The following PRKN variants were observed in gnomAD, a reference collection of about 807,000 sequenced individuals.
PRKN encodes E3 ubiquitin-protein ligase parkin.
PRKN carries 56 observed loss-of-function variants against 59.5 expected under a neutral mutation model. That is an observed-to-expected ratio of 0.94 (90% confidence interval 0.76 to 1.18). The LOEUF (loss-of-function observed/expected upper bound fraction) is 1.18, where lower values mean the gene tolerates loss of function less well. Among genes scored for constraint, PRKN ranks in the 50% most tolerant of loss-of-function variants. PRKN has a pLI of 0.00. For synonymous variants in PRKN, 250 were observed against 222.1 expected, an observed-to-expected ratio of 1.13 and a Z score of -1.12; for missense variants, 657 against 596.4, an observed-to-expected ratio of 1.10 and a Z score of -1.06.
Position 162,634,968 on chromosome 6 carries a change from T to C in PRKN, c.7+92694A>G, listed in dbSNP as rs542242519. Among the ~76,000 whole-genome samples the C allele has an allele frequency of 2.6e-5, 4 of 152,328 alleles. 1 individual carries two copies. The highest frequency in any genetic ancestry group is 9.6e-5 in the African/African-American group (4 of 41,568). ...GTAATATTAAACATTTATGTTCCTT[T>C]TAATCTCTAAAATTCCCTAATTTCA... On this transcript the variant is annotated intron_variant, in intron 1 of 11. Coordinates refer to ENST00000366898, the MANE Select transcript of PRKN (RefSeq NM_004562.3).
chr6:162,158,213 GT>G (rs2128315715), intron 4 of PRKN, among the ~76,000 whole-genome samples: 1 of 152,050 alleles, frequency 6.6e-6, no homozygotes, highest in South Asian at 2.1e-4. Flanking sequence ...CTATCATATA[GT>G]TCTAAATAAT....
At chr6:161,365,777 A>G (rs1259626700) in intron 10 of PRKN, among the ~76,000 whole-genome samples, 1 of 152,184 alleles carries the variant, frequency 6.6e-6, no homozygotes, top group Non-Finnish European at 1.5e-5. Context: ...CGTCCTTCAA[A>G]TCAGGACACT....
At chr6:162,338,926 C>T (rs1405160880) in intron 2 of PRKN, among the ~76,000 whole-genome samples, 4 of 146,906 alleles carry the variant, frequency 2.7e-5, no homozygotes, top group Admixed American at 6.7e-5. Flanking sequence ...ATGTGAGGAG[C>T]GCCTCTGCCC....
At chr6:161,564,726 A>G (rs1780575409) in intron 8 of PRKN, among the ~76,000 whole-genome samples, 1 of 151,542 alleles carries the variant, frequency 6.6e-6, no homozygotes, top group Non-Finnish European at 1.5e-5. Context: ...ACTGACATCC[A>G]TTTCTCTCTC....
chr6:162,039,550 A>G (rs1310058642), intron 5 of PRKN, among the ~76,000 whole-genome samples: 1 of 152,166 alleles, frequency 6.6e-6, no homozygotes, highest in Non-Finnish European at 1.5e-5. Context: ...ACCTCTGCCC[A>G]GAAGACTCCT....
At chr6:162,120,458 A>G (rs1780863939) in intron 4 of PRKN, among the ~76,000 whole-genome samples, 1 of 152,176 alleles carries the variant, frequency 6.6e-6, no homozygotes, top group Admixed American at 6.5e-5. Flanking sequence ...AGCTGGAGTA[A>G]GGGAAACATA....
chr6:162,066,912 A>G (rs762710172), intron 4 of PRKN, among the ~76,000 whole-genome samples: 5 of 152,230 alleles, frequency 3.3e-5, no homozygotes, highest in Non-Finnish European at 5.9e-5. Flanking sequence ...TTATGGTAAC[A>G]GAATTTCTGA....
At chr6:161,604,936 A>G (rs1185480574) in intron 7 of PRKN, among the ~76,000 whole-genome samples, 5 of 152,200 alleles carry the variant, frequency 3.3e-5, no homozygotes, top group African/African-American at 1.2e-4. Context: ...TCTGTCCCCA[A>G]AAAAGAGAGA....
intron 1 of PRKN, among the ~76,000 whole-genome samples, chr6:162,617,427 T>C (rs1268011921): frequency 1.3e-5 from 2 of 152,178 alleles, no homozygotes; most frequent in Non-Finnish European, 2.9e-5. Context: ...AGACAGGGTT[T>C]CACCATGTTG....
chr6:162,410,510 A>C (rs1788304199), intron 2 of PRKN, among the ~76,000 whole-genome samples: 1 of 152,176 alleles, frequency 6.6e-6, no homozygotes, highest in Non-Finnish European at 1.5e-5. Context: ...ACTGAAAGCA[A>C]GGGCTGTGTC....
At chr6:162,668,386 A>C (rs2128229686) in intron 1 of PRKN, among the ~76,000 whole-genome samples, 1 of 152,356 alleles carries the variant, frequency 6.6e-6, no homozygotes, top group African/African-American at 2.4e-5. Context: ...AATAAACAGA[A>C]CCATGTCACC....
At chr6:162,255,391 T>A (rs1193553773) in intron 3 of PRKN, among the ~76,000 whole-genome samples, 1 of 152,176 alleles carries the variant, frequency 6.6e-6, no homozygotes, top group Non-Finnish European at 1.5e-5. Flanking sequence ...GACATCAACT[T>A]CATGAGTTAG....
intron 6 of PRKN, among the ~76,000 whole-genome samples, chr6:161,940,944 G>A (rs1411807606): frequency 6.6e-6 from 1 of 152,172 alleles, no homozygotes; most frequent in East Asian, 1.9e-4. Context: ...AAATTCATCA[G>A]TACTAACTGC....
chr6:162,121,228 C>T (rs1169308341), intron 4 of PRKN, among the ~76,000 whole-genome samples: 1 of 152,116 alleles, frequency 6.6e-6, no homozygotes, highest in Non-Finnish European at 1.5e-5. Flanking sequence ...ACCACACAGA[C>T]CAGATGAACA....
chr6:162,307,596 T>C (rs1562657469), intron 2 of PRKN, among the ~76,000 whole-genome samples: 1 of 152,116 alleles, frequency 6.6e-6, no homozygotes, highest in African/African-American at 2.4e-5. Flanking sequence ...CCTTTGACTA[T>C]AGAAAATGTA....
intron 7 of PRKN, among the ~76,000 whole-genome samples, chr6:161,775,266 A>G (rs1420220738): frequency 1.3e-5 from 2 of 151,742 alleles, no homozygotes; most frequent in Non-Finnish European, 2.9e-5. Flanking sequence ...TTTTTAAGAC[A>G]GGGTCTCACT....
chr6:162,668,572 G>A (rs1385280790), intron 1 of PRKN, among the ~76,000 whole-genome samples: 2 of 152,004 alleles, frequency 1.3e-5, no homozygotes, highest in East Asian at 3.9e-4. Flanking sequence ...AGGGGAGGGA[G>A]CACCATAAGT....
At chr6:161,630,352 G>A (rs1416066727) in intron 7 of PRKN, among the ~76,000 whole-genome samples, 1 of 152,164 alleles carries the variant, frequency 6.6e-6, no homozygotes, top group East Asian at 1.9e-4. Context: ...AGCCGTAGAT[G>A]AGATGCTTTG....
intron 5 of PRKN, among the ~76,000 whole-genome samples, chr6:162,011,517 T>TTA (rs200434101): frequency 0.089 from 8,421 of 94,836 alleles, 1,917 homozygotes; most frequent in South Asian, 0.16. Flanking sequence ...TATATATATA[T>TTA]TATATATATA....
Sources: allele counts gnomAD v4.1 joint callset (sites outside exome capture counted in the v4.1 genomes callset), GRCh38; gene constraint gnomAD v4.1.1; transcripts MANE v1.5; gene names NCBI Gene and HGNC (gene_info 2026-07-23, HGNC 2026-07-21).